The following ABCA5 variants were observed in gnomAD, a reference collection of about 807,000 sequenced individuals.
ABCA5 encodes cholesterol transporter ABCA5.
A neutral mutation model predicts 206.0 loss-of-function variants in ABCA5; 163 were observed. The observed-to-expected ratio is 0.79, with a 90% confidence interval of 0.70 to 0.90. ABCA5 has a LOEUF of 0.90. Among genes scored for constraint, ABCA5 ranks in the 40% least tolerant of loss-of-function variants. The pLI, the probability that ABCA5 is intolerant of heterozygous loss-of-function variation, is 0.00. For synonymous variants in ABCA5, 609 were observed against 613.8 expected (o/e 0.99, Z 0.11); for missense variants, 1,859 against 1,912.9 (o/e 0.97, Z 0.53).
intron 15 of ABCA5, among the ~76,000 whole-genome samples, chr17:69,287,185 C>G (rs1409351628): frequency 6.6e-6 from 1 of 152,190 alleles, no homozygotes; most frequent in African/African-American, 2.4e-5. Context: ...TATATACTAA[C>G]TTTCCCAAGT....
chr17:69,264,900 T>C lies in ABCA5; in HGVS notation c.3150A>G (p.Lys1050=). Residue 1050 remains lysine (K), a synonymous_variant, in exon 24 of 39, where the codon AAA becomes AAG. Transcript: ENST00000392676. The stretch of plus-strand genomic sequence containing the variant: ...CTGAAAGTTTAAGTTGAGTATAAGC[T>C]TTGATCTAAAAAAAATGAAAAACAA... ...AMENAENHKI[K]AYTQLKLSGL... The C allele has an allele frequency of 6.7e-7, 1 of 1,497,602 alleles. No individual in the cohort carries two copies. Among genetic ancestry groups the C allele is most frequent in the South Asian group, 1.5e-5 (1 of 67,746 alleles). The allele number at this position is 1,497,602 out of a possible 1,614,324, so 92.8% of individuals were successfully genotyped here.
At position 69,270,675 on chromosome 17, in the gene ABCA5, A is replaced by C. The variant is rs1461285809; in HGVS notation, c.2968T>G (p.Tyr990Asp). ...LPILVNIISN[Y>D]YLYHLNVTET... is the part of the protein sequence containing the mutation. ...GTCACATTTAAATGATAAAGATAGT[A>C]GTTACTAATGATATTCACTAATATA... The change falls in exon 22 of 39, where the codon TAC (tyrosine) becomes GAC (aspartate). Residue 990 changes from tyrosine (Y) to aspartate (D), a missense_variant. Transcript: ENST00000392676. The C allele has an allele frequency of 6.2e-7, 1 of 1,603,326 alleles. No homozygotes were observed. The highest frequency in any genetic ancestry group is 8.5e-7 in the Non-Finnish European group (1 of 1,175,800).
At chr17:69,269,252 G>A (rs2075244379) in intron 22 of ABCA5, among the ~76,000 whole-genome samples, 1 of 152,190 alleles carries the variant, frequency 6.6e-6, no homozygotes, top group Non-Finnish European at 1.5e-5. Context: ...GTGAATTGCG[G>A]TTACTCCTAC....
intron 6 of ABCA5, among the ~76,000 whole-genome samples, chr17:69,305,141 G>T (rs777531233): frequency 1.3e-5 from 2 of 152,142 alleles, no homozygotes; most frequent in Non-Finnish European, 2.9e-5. Context: ...TTCTTAAAAT[G>T]TAGGAGTTTA....
intron 35 of ABCA5, chr17:69,251,168 G>A (rs2075009106): frequency 6.5e-6 from 1 of 152,878 alleles, no homozygotes; most frequent in Non-Finnish European, 1.5e-5. Flanking sequence ...TATCATATCA[G>A]TGAATACATG....
intron 3 of ABCA5, among the ~76,000 whole-genome samples, chr17:69,311,353 T>C (rs975114547): frequency 3.9e-5 from 6 of 152,202 alleles, no homozygotes; most frequent in African/African-American, 1.2e-4. Context: ...ATGTTATGTA[T>C]GTATGCATAA....
At position 69,315,845 on chromosome 17, in the gene ABCA5, AAC is replaced by A. The variant is rs1031712501; in HGVS notation, c.-15-1417_-15-1416del. On this transcript the variant is annotated intron_variant, in intron 1 of 38. Coordinates refer to ENST00000392676, the MANE Select transcript of ABCA5 (RefSeq NM_172232.4). ...AAATCAAAGATACCAATGCTGAAAT[AAC>A]ACAGACTTTGAAATTATCTGATAAA... Among the ~76,000 whole-genome samples the A allele has an allele frequency of 3.3e-5, 5 of 152,256 alleles. No individual in the cohort carries two copies. In the East Asian group the frequency reaches 9.6e-4, roughly 29 times the overall value.
intron 8 of ABCA5, 77 bp from the exon 9 acceptor site, chr17:69,301,363 T>A (rs2075651053): frequency 7.7e-7 from 1 of 1,293,784 alleles, no homozygotes; most frequent in Admixed American, 2.7e-5. Context: ...TAAGAGTTAT[T>A]TAGCATATCC....
intron 1 of ABCA5, among the ~76,000 whole-genome samples, chr17:69,318,571 A>C (rs1230259825): frequency 6.6e-6 from 1 of 152,014 alleles, no homozygotes; most frequent in Non-Finnish European, 1.5e-5. Context: ...TATTACTTAC[A>C]TAGTAAAAAA....
At chr17:69,263,051 G>T (rs1425967209) in intron 24 of ABCA5, among the ~76,000 whole-genome samples, 1 of 152,028 alleles carries the variant, frequency 6.6e-6, no homozygotes, top group African/African-American at 2.4e-5. Context: ...AGAAGTGTCT[G>T]TTCATATCTT....
At chr17:69,254,168 CAT>C in intron 32 of ABCA5, 145 bp downstream of exon 32, 1 of 683,102 alleles carries the variant, frequency 1.5e-6, no homozygotes, top group Non-Finnish European at 2.3e-6. Context: ...AGTATATTTT[CAT>C]ATATCATAAA....
At chr17:69,254,827 T>C (rs1286643126) in intron 31 of ABCA5, among the ~76,000 whole-genome samples, 2 of 152,136 alleles carry the variant, frequency 1.3e-5, no homozygotes, top group Non-Finnish European at 2.9e-5. Flanking sequence ...CCCGCCCAGA[T>C]GTTTTACTCC....
intron 1 of ABCA5, among the ~76,000 whole-genome samples, chr17:69,322,294 C>T (rs953772101): frequency 8.2e-5 from 11 of 134,470 alleles, no homozygotes; most frequent in African/African-American, 2.8e-4. Flanking sequence ...CACTCGAACC[C>T]GGGAGGTGAA....
At chr17:69,316,478 C>T (rs1043943913) in intron 1 of ABCA5, among the ~76,000 whole-genome samples, 2 of 147,834 alleles carry the variant, frequency 1.4e-5, no homozygotes, top group Non-Finnish European at 3.0e-5. Flanking sequence ...CAAAGTGAGG[C>T]CCTGTCTCAA....
intron 1 of ABCA5, chr17:69,315,114 CAAATAG>C (rs1203513329): frequency 6.6e-6 from 1 of 152,160 alleles, no homozygotes; most frequent in African/African-American, 2.4e-5. Context: ...GAAGGGGGAA[CAAATAG>C]AAAGAGAGCT....
At chr17:69,320,599 C>T (rs2075856152) in intron 1 of ABCA5, among the ~76,000 whole-genome samples, 1 of 152,122 alleles carries the variant, frequency 6.6e-6, no homozygotes, top group South Asian at 2.1e-4. Context: ...CATGGTTTAG[C>T]TGTTTGATTG....
At chr17:69,287,870 T>A (rs747380095) in intron 14 of ABCA5, 119 bp from the exon 15 acceptor site, 77 of 959,204 alleles carry the variant, frequency 8.0e-5, no homozygotes, top group Admixed American at 1.4e-4. Context: ...AGAAATATAT[T>A]AGATCAGATT....
At chr17:69,264,933 T>A in intron 23 of ABCA5, 28 bp from the exon 24 acceptor site, 2 of 1,413,032 alleles carry the variant, frequency 1.4e-6, no homozygotes, top group Non-Finnish European at 1.9e-6. Context: ...CAATTTATTA[T>A]AATTTTAGAC....
At position 69,255,845 on chromosome 17, in the gene ABCA5, T is replaced by A. The variant is rs1567751125; in HGVS notation, c.3864A>T (p.Pro1288=). 6.5e-7 allele frequency: 1 copy of A among 1,550,006 alleles called. No homozygotes were observed. Residue 1288 remains proline, a synonymous_variant, in exon 30 of 39, where the codon CCA becomes CCT. Transcript: ENST00000392676. ...TATGCAAATTGCTGACCATAATGGA[T>A]GGTTTCTAATAAGAAAAATTGTATT... The part of the protein sequence containing the change: ...LMGCQCCEEK[P]SIMVSNLHKE...
Sources: gnomAD v4.1 joint callset for allele counts (sites outside exome capture counted in the v4.1 genomes callset) on GRCh38, gnomAD v4.1.1 for gene constraint, MANE v1.5 for transcripts, NCBI Gene and HGNC (gene_info 2026-07-23, HGNC 2026-07-21) for gene names.